Variants in ULK2 observed in about 807,000 individuals in gnomAD.
ULK2 encodes the protein unc-51 like autophagy activating kinase 2.
A neutral mutation model predicts 127.5 loss-of-function variants in ULK2; 76 were observed. The ratio of observed to expected loss-of-function variants is 0.60; its 90% CI spans 0.50 to 0.72. The LOEUF is 0.72. ULK2 is among the 30% of genes least tolerant of loss of function. The pLI, the probability that ULK2 is intolerant of heterozygous loss-of-function variation, is 0.00. For synonymous variants in ULK2, 452 were observed against 461.9 expected, an observed-to-expected ratio of 0.98 and a Z score of 0.28; for missense variants, 1,144 against 1,295.9, an observed-to-expected ratio of 0.88 and a Z score of 1.80.
intron 9 of ULK2, among the ~76,000 whole-genome samples, chr17:19,839,494 G>A (rs779435391): frequency 1.3e-4 from 19 of 151,154 alleles, no homozygotes; most frequent in Non-Finnish European, 2.1e-4. Context: ...GTGAAATCCC[G>A]TCTCCACTAA....
In ULK2 at chr17:19,802,930, T is replaced by C. The variant is rs76322027; in HGVS notation, c.1296-1008A>G. 6.9e-4 allele frequency among the ~76,000 whole-genome samples: 105 copies of C among 152,286 alleles called. No individual in the cohort carries two copies. In the Middle Eastern group the frequency reaches 0.01, roughly 15 times the overall value. ...ATTCCAATGCTGATACATTAAACAA[T>C]ATCAAAAAGTCATATTCATAACAAA... On this transcript the variant is annotated intron_variant, in intron 15 of 26. Transcript: ENST00000395544.
intron 22 of ULK2, among the ~76,000 whole-genome samples, chr17:19,783,065 A>C (rs1304530052): frequency 6.6e-6 from 1 of 152,270 alleles, no homozygotes; most frequent in Non-Finnish European, 1.5e-5. Flanking sequence ...AAAGATGAGA[A>C]TCATTTTCCT....
intron 25 of ULK2, 29 bp downstream of exon 25, chr17:19,780,438 GTACTA>G: frequency 6.4e-7 from 1 of 1,564,044 alleles, no homozygotes; most frequent in Non-Finnish European, 8.7e-7. Flanking sequence ...AAGATAAGTA[GTACTA>G]TACAATATTA....
chr17:19,849,799 C>T, intron 3 of ULK2, 25 bp from the exon 4 acceptor site: 1 of 1,427,062 alleles, frequency 7.0e-7, no homozygotes, highest in Non-Finnish European at 9.5e-7. Flanking sequence ...TATTAAATAT[C>T]ATTTAGAGAA....
chr17:19,845,398 T>C (rs1264096403), intron 6 of ULK2, 21 bp from the exon 7 acceptor site: 7 of 1,597,448 alleles, frequency 4.4e-6, no homozygotes, highest in Middle Eastern at 1.7e-4. Context: ...AAACAGAAAG[T>C]AGAAAAGCAA....
intron 3 of ULK2, among the ~76,000 whole-genome samples, chr17:19,863,187 C>T (rs1247701576): frequency 6.6e-6 from 1 of 151,818 alleles, no homozygotes; most frequent in Non-Finnish European, 1.5e-5. Flanking sequence ...TTCACTCCAG[C>T]CTGGGCGACA....
At chr17:19,843,913 C>T (rs983356548) in intron 7 of ULK2, among the ~76,000 whole-genome samples, 1 of 152,088 alleles carries the variant, frequency 6.6e-6, no homozygotes, top group African/African-American at 2.4e-5. Context: ...CCACCTCAGC[C>T]TCCCAAAGTG....
chr17:19,814,454 T>TGTTTGTTTG (rs61708241), intron 13 of ULK2, among the ~76,000 whole-genome samples: 1 of 97,008 alleles, frequency 1.0e-5, no homozygotes, highest in Non-Finnish European at 1.9e-5. Flanking sequence ...TTTTTTTTTT[T>TGTTTGTTTG]TTTTTTTTTG....
chr17:19,824,516 C>G (rs1023910987), intron 12 of ULK2, among the ~76,000 whole-genome samples: 1 of 144,086 alleles, frequency 6.9e-6, no homozygotes, highest in Admixed American at 7.0e-5. Flanking sequence ...ACTAGAGTGA[C>G]CAGAAGGCCT....
intron 10 of ULK2, among the ~76,000 whole-genome samples, chr17:19,836,681 C>T (rs947609058): frequency 9.9e-5 from 15 of 150,848 alleles, no homozygotes; most frequent in African/African-American, 2.9e-4. Flanking sequence ...CTGAGGTGGG[C>T]GGATCACAAG....
chr17:19,781,857 A>G (rs2086925328), intron 23 of ULK2, 32 bp downstream of exon 23: 1 of 1,600,516 alleles, frequency 6.2e-7, no homozygotes, highest in African/African-American at 1.3e-5. Context: ...AAGCATGAAA[A>G]GTCTGGAAAT....
intron 13 of ULK2, among the ~76,000 whole-genome samples, chr17:19,815,140 G>A (rs1489656961): frequency 6.6e-6 from 1 of 152,128 alleles, no homozygotes; most frequent in Non-Finnish European, 1.5e-5. Context: ...CAAAAACCCT[G>A]TGTTAAGTAT....
At chr17:19,780,863 C>T in intron 24 of ULK2, 123 bp downstream of exon 24, 1 of 1,062,902 alleles carries the variant, frequency 9.4e-7, no homozygotes, top group Middle Eastern at 3.2e-4. Context: ...AGCATCTTTT[C>T]CCTTTAAGAA....
At chr17:19,850,226 T>C (rs917120503) in intron 3 of ULK2, among the ~76,000 whole-genome samples, 10 of 152,232 alleles carry the variant, frequency 6.6e-5, no homozygotes, top group African/African-American at 2.2e-4. Flanking sequence ...CTGGAATATA[T>C]GACTCAGGAC....
chr17:19,822,299 A>G (rs2041169933), intron 12 of ULK2, among the ~76,000 whole-genome samples: 1 of 152,008 alleles, frequency 6.6e-6, no homozygotes, highest in Non-Finnish European at 1.5e-5. Flanking sequence ...CTTACTTTTT[A>G]AAGAACTCTA....
At position 19,774,375 on chromosome 17, in the gene ULK2, A is replaced by C. The variant is rs1246401575; in HGVS notation, c.*1974T>G. 2 of 152,268 alleles carry C rather than the reference A, an allele frequency of 1.3e-5. No homozygotes were observed. Among genetic ancestry groups the C allele is most frequent in the Non-Finnish European group, 2.9e-5 (2 of 68,046 alleles). The allele number at this position is 152,268 out of a possible 1,614,324, so 9.4% of individuals were successfully genotyped here. A position where few individuals can be genotyped will look rare whatever the true frequency, so the allele number is the denominator to read the frequency against. Reference sequence around the variant, plus strand: ...GAAAGTCACAAAGCATGGCTTGACCACTTGCCTAGTTCCTGACTTTAGGCC... The same window carrying C: ...GAAAGTCACAAAGCATGGCTTGACCCCTTGCCTAGTTCCTGACTTTAGGCC... On this transcript the variant is annotated 3_prime_UTR_variant, in exon 27 of 27. Transcript: ENST00000395544.
chr17:19,822,569 T>G (rs2041178687), intron 12 of ULK2, among the ~76,000 whole-genome samples: 1 of 152,004 alleles, frequency 6.6e-6, no homozygotes, highest in Non-Finnish European at 1.5e-5. Flanking sequence ...GGTTTTGGCA[T>G]GTTGGCCAGG....
Position 19,867,331 on chromosome 17 carries a change from G to C in ULK2, c.87C>G (p.Arg29=). 6.3e-7 allele frequency: 1 copy of C among 1,594,146 alleles called. No individual in the cohort carries two copies. Among genetic ancestry groups the C allele is most frequent in the Non-Finnish European group, 8.5e-7 (1 of 1,172,166 alleles). ...AFAVVFRGRH[R]QKTDWEVAIK... ...CCTCGCCCCGGCCGGCGCTCACCTG[G>C]CGGTGCCGCCCCCGGAAGACCACGG... Residue 29 remains arginine, a synonymous_variant, in exon 1 of 27, where the codon CGC becomes CGG. Coordinates refer to ENST00000395544, the MANE Select transcript of ULK2 (RefSeq NM_014683.4).
chr17:19,825,232 T>C (rs1457686590), intron 11 of ULK2, 50 bp from the exon 12 acceptor site: 2 of 1,536,962 alleles, frequency 1.3e-6, no homozygotes, highest in Non-Finnish European at 1.8e-6. Context: ...TGCAGTCACA[T>C]GACCTGTATA....
Sources: gnomAD v4.1 joint callset for allele counts (sites outside exome capture counted in the v4.1 genomes callset) on GRCh38, gnomAD v4.1.1 for gene constraint, MANE v1.5 for transcripts, NCBI Gene and HGNC (gene_info 2026-07-23, HGNC 2026-07-21) for gene names.